SIRPA: variants seen among roughly 807,000 people sequenced by gnomAD.
SIRPA encodes tyrosine-protein phosphatase non-receptor type substrate 1.
SIRPA carries 9 observed loss-of-function variants against 50.3 expected under a neutral mutation model. The ratio of observed to expected loss-of-function variants is 0.18; its 90% CI spans 0.11 to 0.31. SIRPA has a LOEUF of 0.31. SIRPA is among the 10% of genes least tolerant of loss of function. The pLI is 1.00. For synonymous variants in SIRPA, 265 were observed against 284.1 expected, an observed-to-expected ratio of 0.93 and a Z score of 0.68; for missense variants, 474 against 661.6, an observed-to-expected ratio of 0.72 and a Z score of 3.11.
At chr20:1,917,405 C>A (rs1042858630) in intron 2 of SIRPA, among the ~76,000 whole-genome samples, 4 of 152,138 alleles carry the variant, frequency 2.6e-5, no homozygotes, top group Non-Finnish European at 5.9e-5. Flanking sequence ...CCTACTCATT[C>A]CAAACTCTTG....
At chr20:1,900,249 CGCCACCATGCCTGGCTGATTTT>C (rs1343861203) in intron 1 of SIRPA, among the ~76,000 whole-genome samples, 2 of 151,794 alleles carry the variant, frequency 1.3e-5, no homozygotes, top group Non-Finnish European at 2.9e-5. Flanking sequence ...TACAGGGATG[CGCCACCATGCCTGGCTGATTTT>C]GTATTTTTAG....
At chr20:1,901,440 GGATTACAGGCGT>G (rs973208480) in intron 1 of SIRPA, among the ~76,000 whole-genome samples, 1 of 152,010 alleles carries the variant, frequency 6.6e-6, no homozygotes, top group African/African-American at 2.4e-5. Flanking sequence ...CAAAGTGCTG[GGATTACAGGCGT>G]GAGCCACTGC....
chr20:1,907,935 C>T (rs1984642172), intron 1 of SIRPA, among the ~76,000 whole-genome samples: 1 of 152,200 alleles, frequency 6.6e-6, no homozygotes, highest in Admixed American at 6.5e-5. Context: ...GCCCCAGCTA[C>T]CTTTCGCCTT....
intron 1 of SIRPA, among the ~76,000 whole-genome samples, chr20:1,899,572 G>A (rs752419224): frequency 3.9e-5 from 6 of 152,152 alleles, no homozygotes; most frequent in Admixed American, 6.5e-5. Flanking sequence ...GCCTTGGCCC[G>A]TGCTGTTCCT....
chr20:1,906,924 T>G (rs1192029867), intron 1 of SIRPA, among the ~76,000 whole-genome samples: 1 of 152,156 alleles, frequency 6.6e-6, no homozygotes, highest in Non-Finnish European at 1.5e-5. Context: ...GTCCAGCACT[T>G]CTAACCACAG....
In SIRPA at chr20:1,898,159, C is replaced by G. The variant is rs891154497; in HGVS notation, c.79+2633C>G. On this transcript the variant is annotated intron_variant, in intron 1 of 7. Transcript: ENST00000358771. The surrounding 1 kb of genome is among the most constrained non-coding windows in gnomAD (Gnocchi z 4.3). ...CAGGCTCTGGGGAGCAGCGGGGCCC[C>G]CCAGTGAACCTCTCACCGTTTGGTA... Among the ~76,000 whole-genome samples, 37 of 152,350 alleles carry G rather than the reference C, an allele frequency of 2.4e-4. No homozygotes were observed. Among genetic ancestry groups the G allele is most frequent in the Admixed American group, 2.4e-3 (37 of 15,314 alleles).
chr20:1,914,342 G>A (rs1316661426), intron 1 of SIRPA, among the ~76,000 whole-genome samples: 1 of 152,188 alleles, frequency 6.6e-6, no homozygotes, highest in Non-Finnish European at 1.5e-5. Context: ...AAGACCAGAT[G>A]CTGCATTTGG....
chr20:1,904,835 C>T (rs1984452058), intron 1 of SIRPA, among the ~76,000 whole-genome samples: 1 of 152,132 alleles, frequency 6.6e-6, no homozygotes, highest in African/African-American at 2.4e-5. Flanking sequence ...GCATGTCCTC[C>T]TGGCCCTTTG....
Position 1,928,316 on chromosome 20 carries a change from G to A in SIRPA, c.1226+417G>A, listed in dbSNP as rs775008668. On this transcript the variant is annotated intron_variant, in intron 6 of 7. Transcript: ENST00000358771. The surrounding 1 kb of genome is among the most constrained non-coding windows in gnomAD (Gnocchi z 4.9). The stretch of plus-strand genomic sequence containing the variant: ...TGGCGTGCTGTGACCCTGGAATGCC[G>A]GGATGAGTAGGATAGAATCTGTGCC... Among the ~76,000 whole-genome samples, 65 of 152,164 alleles carry A rather than the reference G, an allele frequency of 4.3e-4. No homozygotes were observed. Among genetic ancestry groups the A allele is most frequent in the Non-Finnish European group, 5.4e-4 (37 of 68,030 alleles).
At chr20:1,929,005 T>C (rs1986151625) in intron 6 of SIRPA, among the ~76,000 whole-genome samples, 1 of 152,152 alleles carries the variant, frequency 6.6e-6, no homozygotes, top group African/African-American at 2.4e-5. Context: ...TAAATAAAAC[T>C]ATAAATAGCT....
At chr20:1,910,282 G>A (rs917448406) in intron 1 of SIRPA, among the ~76,000 whole-genome samples, 2 of 152,088 alleles carry the variant, frequency 1.3e-5, no homozygotes, top group African/African-American at 2.4e-5. Flanking sequence ...CAAACATATG[G>A]TGACCACCCA....
chr20:1,918,882 A>G (rs1257902705), intron 2 of SIRPA, among the ~76,000 whole-genome samples: 1 of 152,100 alleles, frequency 6.6e-6, no homozygotes, highest in Non-Finnish European at 1.5e-5. Flanking sequence ...CCAGAGTCCA[A>G]CTGCCTGGGC....
intron 2 of SIRPA, 59 bp from the exon 3 acceptor site, chr20:1,921,336 T>A: frequency 6.2e-7 from 1 of 1,609,478 alleles, no homozygotes; most frequent in South Asian, 1.1e-5. Context: ...TGTCACACAC[T>A]TATCGTTAGT....
At chr20:1,926,954 G>A (rs1198924018) in intron 5 of SIRPA, among the ~76,000 whole-genome samples, 1 of 152,214 alleles carries the variant, frequency 6.6e-6, no homozygotes, top group Non-Finnish European at 1.5e-5. Context: ...AGTCTCTCTG[G>A]TGTAAAAGGG....
At chr20:1,906,616 CCCTGGG>C (rs1761323507) in intron 1 of SIRPA, among the ~76,000 whole-genome samples, 1 of 152,046 alleles carries the variant, frequency 6.6e-6, no homozygotes, top group Admixed American at 6.6e-5. Flanking sequence ...GGCTGTAGGC[CCCTGGG>C]GCCACTGTAA....
chr20:1,917,324 C>G (rs553304739), intron 2 of SIRPA, among the ~76,000 whole-genome samples: 1 of 152,294 alleles, frequency 6.6e-6, no homozygotes, highest in East Asian at 1.9e-4. Flanking sequence ...TTGATCCCCA[C>G]CAGCCTGACT....
At chr20:1,906,107 G>A (rs1181900747) in intron 1 of SIRPA, among the ~76,000 whole-genome samples, 2 of 152,086 alleles carry the variant, frequency 1.3e-5, no homozygotes, top group African/African-American at 4.8e-5. Context: ...ACGCTAGCCC[G>A]TTTCATCCTC....
At chr20:1,914,206 C>A (rs1314593748) in intron 1 of SIRPA, among the ~76,000 whole-genome samples, 3 of 151,998 alleles carry the variant, frequency 2.0e-5, no homozygotes, top group African/African-American at 4.8e-5. Flanking sequence ...CAGAACAAAG[C>A]AGAGGCCTGG....
In SIRPA at chr20:1,937,299, C is replaced by T. The variant is rs1230472062; in HGVS notation, c.1267-21C>T. On this transcript the variant is annotated intron_variant, in intron 7 of 7. Coordinates refer to ENST00000358771, the MANE Select transcript of SIRPA (RefSeq NM_001040023.2). This position sits in a 1 kb window ranked among gnomAD's most constrained non-coding sequence, Gnocchi z 8.3. ...TAGAATGACCTTCTCATGACTTTCT[C>T]TTTGGGTATCTTAAATCCAGGACAC... The T allele has an allele frequency of 6.2e-7, 1 of 1,604,778 alleles. No homozygotes were observed. The highest frequency in any genetic ancestry group is 2.2e-5 in the East Asian group (1 of 44,666).
Sources: gnomAD v4.1 joint callset for allele counts (sites outside exome capture counted in the v4.1 genomes callset) on GRCh38, gnomAD v4.1.1 for gene constraint, Gnocchi (gnomAD v3.1) non-coding constraint, MANE v1.5 for transcripts, NCBI Gene and HGNC (gene_info 2026-07-23, HGNC 2026-07-21) for gene names.